The following SPATA13 variants were observed in gnomAD, a reference collection of about 807,000 sequenced individuals.
SPATA13 encodes the protein spermatogenesis associated 13.
Under a neutral mutation model 104.0 loss-of-function variants are expected in SPATA13, and 50 were observed. The observed-to-expected ratio is 0.48, with a 90% CI of 0.38 to 0.61. The LOEUF is 0.61. Ranked by LOEUF, SPATA13 falls within the 20% of genes least tolerant of loss-of-function variation. The pLI is 0.00. For missense variants in SPATA13, 1,524 were observed against 1,690.6 expected (o/e 0.90, Z 1.73); for synonymous variants, 606 against 667.5 (o/e 0.91, Z 1.42).
chr13:24,197,752 C>G (rs551513045), intron 1 of SPATA13, among the ~76,000 whole-genome samples: 2 of 152,162 alleles, frequency 1.3e-5, no homozygotes, highest in African/African-American at 4.8e-5. Context: ...TTTCCATGTT[C>G]TGACTAATTT....
At chr13:24,177,867 A>AT (rs1174201689) in intron 1 of SPATA13, among the ~76,000 whole-genome samples, 1 of 151,086 alleles carries the variant, frequency 6.6e-6, no homozygotes, top group Non-Finnish European at 1.5e-5. Flanking sequence ...CAACATATGA[A>AT]TTTTTTTTTA....
At chr13:24,075,068 G>A (rs1284392258) in intron 3 of SPATA13, among the ~76,000 whole-genome samples, 1 of 152,140 alleles carries the variant, frequency 6.6e-6, no homozygotes, top group Non-Finnish European at 1.5e-5. Context: ...ATGTGAGGAG[G>A]CACCTTTAGG....
intron 3 of SPATA13, among the ~76,000 whole-genome samples, chr13:24,066,629 C>T (rs1472524697): frequency 6.6e-6 from 1 of 152,192 alleles, no homozygotes; most frequent in Non-Finnish European, 1.5e-5. Flanking sequence ...CACAATGGCT[C>T]CTTTCATGCC....
At chr13:24,012,386 C>T (rs1030619684) in intron 2 of SPATA13, among the ~76,000 whole-genome samples, 17 of 152,350 alleles carry the variant, frequency 1.1e-4, no homozygotes, top group Non-Finnish European at 7.3e-5. Flanking sequence ...AGCAGATGCT[C>T]GTGGTTGGTC....
chr13:24,043,474 G>C (rs1415184056), intron 3 of SPATA13, among the ~76,000 whole-genome samples: 1 of 23,456 alleles, frequency 4.3e-5, no homozygotes, highest in Non-Finnish European at 1.3e-4. Context: ...GACCTTGATT[G>C]ATATTACACA....
intron 3 of SPATA13, among the ~76,000 whole-genome samples, chr13:24,151,773 G>A (rs566528315): frequency 6.6e-6 from 1 of 152,272 alleles, no homozygotes; most frequent in Admixed American, 6.5e-5. Context: ...GATTAAATGA[G>A]TAAAACATGT....
intron 5 of SPATA13, among the ~76,000 whole-genome samples, chr13:24,284,866 G>A (rs550113364): frequency 2.5e-4 from 38 of 152,116 alleles, no homozygotes; most frequent in Non-Finnish European, 5.3e-4. Flanking sequence ...TCTAAGAAGC[G>A]GACATTATGG....
intron 3 of SPATA13, among the ~76,000 whole-genome samples, chr13:24,041,515 T>C (rs1278829097): frequency 6.6e-6 from 1 of 152,254 alleles, no homozygotes; most frequent in African/African-American, 2.4e-5. Context: ...AATGTCAGTA[T>C]CAGTTTTATC....
chr13:24,176,256 A>G (rs1019441142), intron 1 of SPATA13, among the ~76,000 whole-genome samples: 1 of 152,222 alleles, frequency 6.6e-6, no homozygotes, highest in Admixed American at 6.5e-5. Context: ...TATAAGGACT[A>G]TCTACATAAG....
At chr13:24,140,471 G>C (rs573568135) in intron 3 of SPATA13, among the ~76,000 whole-genome samples, 38 of 152,304 alleles carry the variant, frequency 2.5e-4, no homozygotes, top group African/African-American at 8.2e-4. Flanking sequence ...AAATTTAGTG[G>C]AACCTGGGTT....
chr13:24,058,869 T>G (rs1878667864), intron 3 of SPATA13, among the ~76,000 whole-genome samples: 1 of 151,882 alleles, frequency 6.6e-6, no homozygotes, highest in African/African-American at 2.4e-5. Context: ...TCACCTTTCT[T>G]GGACAGCTGT....
At chr13:24,080,303 C>T (rs1237612677) in intron 3 of SPATA13, among the ~76,000 whole-genome samples, 2 of 152,236 alleles carry the variant, frequency 1.3e-5, no homozygotes, top group Non-Finnish European at 2.9e-5. Flanking sequence ...CAGGACATCA[C>T]AGCAAGTGGG....
intron 1 of SPATA13, among the ~76,000 whole-genome samples, chr13:24,179,470 A>T (rs1359762990): frequency 1.3e-5 from 2 of 152,240 alleles, no homozygotes; most frequent in Admixed American, 6.5e-5. Flanking sequence ...AAATGTATAA[A>T]ACATAAACTT....
At position 24,286,108 on chromosome 13, in the gene SPATA13, A is replaced by C; in HGVS notation, c.2302-106A>C. 2.8e-6 allele frequency: 3 copies of C among 1,072,430 alleles called. No individual in the cohort carries two copies. The highest frequency in any genetic ancestry group is 4.0e-6 in the Non-Finnish European group (3 of 743,672). The allele number at this position is 1,072,430 out of a possible 1,614,324, so 66.4% of individuals were successfully genotyped here. ...TGGACCAAATGCCACCAGCATATCC[A>C]AGTGAGAGGATACCAGTGTCACCCT... On this transcript the variant is annotated intron_variant, in intron 5 of 12. Coordinates refer to ENST00000382108, the MANE Select transcript of SPATA13 (RefSeq NM_001166271.3). The surrounding 1 kb of genome is among the most constrained non-coding windows in gnomAD (Gnocchi z 4.9).
intron 3 of SPATA13, among the ~76,000 whole-genome samples, chr13:24,146,707 A>G (rs567383799): frequency 8.1e-4 from 124 of 152,298 alleles, no homozygotes; most frequent in African/African-American, 2.8e-3. Flanking sequence ...TGCCATGATT[A>G]TGTTATACAT....
In SPATA13 at chr13:24,088,730, C is replaced by T. The variant is rs1244248031; in HGVS notation, c.-112+71029C>T. Among the ~76,000 whole-genome samples the T allele has an allele frequency of 2.0e-5, 3 of 152,208 alleles. No homozygotes were observed. Among genetic ancestry groups the T allele is most frequent in the Admixed American group, 6.5e-5 (1 of 15,282 alleles). The stretch of plus-strand genomic sequence containing the variant: ...GGGCCCTGCTTCTCACTGAGAGCTG[C>T]GTTTCCAGGGCCAGGTGCTGAGCCA... On this transcript the variant is annotated intron_variant, in intron 3 of 14. Transcript: ENST00000424834. This position sits in a 1 kb window ranked among gnomAD's most constrained non-coding sequence, Gnocchi z 4.3.
intron 3 of SPATA13, among the ~76,000 whole-genome samples, chr13:24,119,439 C>T (rs755331559): frequency 2.0e-5 from 3 of 152,118 alleles, no homozygotes; most frequent in Non-Finnish European, 4.4e-5. Context: ...ACTTTGCAAG[C>T]CATATTTTTA....
At position 24,008,569 on chromosome 13, in the gene SPATA13, A is replaced by G. The variant is rs557448297; in HGVS notation, c.-146-9098A>G. Among the ~76,000 whole-genome samples, 182 of 150,252 alleles carry G rather than the reference A, an allele frequency of 1.2e-3. 3 individuals carry two copies. Among genetic ancestry groups the G allele is most frequent in the African/African-American group, 3.8e-3 (157 of 41,102 alleles). On this transcript the variant is annotated intron_variant, in intron 2 of 14. Coordinates refer to the SPATA13 transcript ENST00000424834. Reference sequence around the variant, plus strand: ...CAGGAGAGCAGGAGAAGGGGAGGGGAGAGAGAGAGAGAGAGAGATCAAGAA... The same window carrying G: ...CAGGAGAGCAGGAGAAGGGGAGGGGGGAGAGAGAGAGAGAGAGATCAAGAA...
chr13:24,209,999 G>A (rs1414525311), intron 1 of SPATA13, among the ~76,000 whole-genome samples: 1 of 152,068 alleles, frequency 6.6e-6, no homozygotes, highest in Non-Finnish European at 1.5e-5. Context: ...AGTTTGATTT[G>A]CATTTCCCTG....
Sources: gnomAD v4.1 joint callset for allele counts (sites outside exome capture counted in the v4.1 genomes callset) on GRCh38, gnomAD v4.1.1 for gene constraint, Gnocchi (gnomAD v3.1) non-coding constraint, MANE v1.5 for transcripts, NCBI Gene and HGNC (gene_info 2026-07-23, HGNC 2026-07-21) for gene names.